Variants in BTN3A1 observed in about 807,000 individuals in gnomAD.
BTN3A1 encodes the protein butyrophilin subfamily 3 member A1.
Under a neutral mutation model 43.0 loss-of-function variants are expected in BTN3A1, and 24 were observed. The observed-to-expected ratio is 0.56, with a 90% CI of 0.40 to 0.78. BTN3A1 has a LOEUF of 0.78. Ranked by LOEUF, BTN3A1 falls within the 30% of genes least tolerant of loss-of-function variation. BTN3A1 has a pLI of 0.00. For missense variants in BTN3A1, 533 were observed against 626.2 expected, an observed-to-expected ratio of 0.85 and a Z score of 1.59; for synonymous variants, 181 against 234.7, an observed-to-expected ratio of 0.77 and a Z score of 2.09.
At chr6:26,411,409 G>A in intron 8 of BTN3A1, 146 bp from the exon 9 acceptor site, 1 of 1,058,544 alleles carries the variant, frequency 9.4e-7, no homozygotes, top group South Asian at 1.5e-5. Flanking sequence ...TACCACCCCT[G>A]ATCCATCAGA....
chr6:26,409,382 C>T, intron 4 of BTN3A1, 151 bp from the exon 5 acceptor site: 1 of 739,422 alleles, frequency 1.4e-6, no homozygotes, highest in South Asian at 1.7e-5. Flanking sequence ...ACCCACTGTC[C>T]TCTGAGATTT....
chr6:26,412,314 A>G (rs1762247479), intron 9 of BTN3A1: 2 of 636,212 alleles, frequency 3.1e-6, no homozygotes, highest in Non-Finnish European at 5.7e-6. Context: ...AAGAGTCTTC[A>G]GGCCTTGTTA....
chr6:26,407,262 G>C (rs1429872233), intron 3 of BTN3A1, among the ~76,000 whole-genome samples: 1 of 152,220 alleles, frequency 6.6e-6, no homozygotes, highest in African/African-American at 2.4e-5. Flanking sequence ...TTGGTCAGCA[G>C]GGATCTGTAG....
Position 26,409,998 on chromosome 6 carries a change from C to G in BTN3A1, c.938-8C>G. 6.2e-7 allele frequency: 1 copy of G among 1,614,144 alleles called. No individual in the cohort carries two copies. On this transcript the variant is annotated splice_polypyrimidine_tract_variant and splice_region_variant and intron_variant, in intron 6 of 9. Coordinates refer to ENST00000289361, the MANE Select transcript of BTN3A1 (RefSeq NM_007048.6). ...TTGATGCATCTTCCCCTGTTCCTTC[C>G]GTTGCAGGATGGAGAAGTATCCAGT...
At chr6:26,410,077 C>T in intron 7 of BTN3A1, 45 bp downstream of exon 7, 1 of 1,609,210 alleles carries the variant, frequency 6.2e-7, no homozygotes, top group Non-Finnish European at 8.5e-7. Flanking sequence ...CTATAACTGT[C>T]TGTGCTTGAA....
chr6:26,403,386 C>G (rs1394724430), intron 1 of BTN3A1, among the ~76,000 whole-genome samples: 3 of 152,144 alleles, frequency 2.0e-5, no homozygotes, highest in Non-Finnish European at 4.4e-5. Flanking sequence ...TTTTTAAACA[C>G]TTCCCTAGTT....
At chr6:26,411,476 C>G in intron 8 of BTN3A1, 79 bp from the exon 9 acceptor site, 5 of 1,502,124 alleles carry the variant, frequency 3.3e-6, no homozygotes, top group Non-Finnish European at 4.6e-6. Context: ...GGAGAGAAAA[C>G]ATGTAGTGAG....
In BTN3A1 at chr6:26,414,109, TGGTGGATGTCACTCC is replaced by T; in HGVS notation, c.*418_*432del. ...GCTCTGAGTGCTGTGTTATGAGCTTTGGTGGATGTCACTCCTTTAATCCTCGCAACACCCTGTCGG... is the reference window on the plus strand; with the variant it reads ...GCTCTGAGTGCTGTGTTATGAGCTTTTTTAATCCTCGCAACACCCTGTCGG... On this transcript the variant is annotated 3_prime_UTR_variant, in exon 10 of 10. Coordinates refer to ENST00000289361, the MANE Select transcript of BTN3A1 (RefSeq NM_007048.6). 1 of 250,350 alleles carries T rather than the reference TGGTGGATGTCACTCC, an allele frequency of 4.0e-6. No individual in the cohort carries two copies. The highest frequency in any genetic ancestry group is 4.8e-5 in the South Asian group (1 of 20,730). The allele number at this position is 250,350 out of a possible 1,614,324, so 15.5% of individuals were successfully genotyped here. A position where few individuals can be genotyped will look rare whatever the true frequency, so the allele number is the denominator to read the frequency against.
In BTN3A1 at chr6:26,406,116, C is replaced by G. The variant is rs748221919; in HGVS notation, c.293C>G (p.Ser98Trp). Residue 98 changes from serine to tryptophan, a missense_variant, in exon 3 of 10, where the codon TCG becomes TGG. Ser to Trp is a radical substitution (Grantham distance 177, BLOSUM62 -3). Around this residue, in one of 4 missense-constraint regions of BTN3A1, gnomAD observed 51 missense variants for 90.9 expected, o/e 0.56. Coordinates refer to ENST00000289361, the MANE Select transcript of BTN3A1 (RefSeq NM_007048.6). ...RQSAPYRGRT[S>W]ILRDGITAGK... ...AGTGCACCGTATCGAGGGAGAACTT[C>G]GATTCTGCGGGATGGCATCACTGCA... 1 of 1,581,688 alleles carries G rather than the reference C, an allele frequency of 6.3e-7. No individual in the cohort carries two copies. Among genetic ancestry groups the G allele is most frequent in the Admixed American group, 1.7e-5 (1 of 58,482 alleles).
chr6:26,411,496 C>A, intron 8 of BTN3A1, 59 bp from the exon 9 acceptor site: 1 of 1,559,796 alleles, frequency 6.4e-7, no homozygotes, highest in Non-Finnish European at 8.8e-7. Flanking sequence ...GGGGAGAGTG[C>A]AGTGGGGAAA....
intron 3 of BTN3A1, among the ~76,000 whole-genome samples, chr6:26,407,375 T>C (rs1762054077): frequency 6.6e-6 from 1 of 152,116 alleles, no homozygotes; most frequent in South Asian, 2.1e-4. Context: ...TTGCTGAAGG[T>C]CATTGCCCCT....
At chr6:26,409,985 C>G (rs757009007) in intron 6 of BTN3A1, 21 bp from the exon 7 acceptor site, 1 of 1,614,172 alleles carries the variant, frequency 6.2e-7, no homozygotes, top group Non-Finnish European at 8.5e-7. Flanking sequence ...GATGCATCTT[C>G]CCCTGTTCCT....
chr6:26,405,749 T>C, intron 2 of BTN3A1, 101 bp downstream of exon 2: 1 of 1,581,274 alleles, frequency 6.3e-7, no homozygotes, highest in African/African-American at 1.3e-5. Context: ...CATCCCGATC[T>C]GAAGGTTCAC....
intron 4 of BTN3A1, among the ~76,000 whole-genome samples, chr6:26,409,246 C>T (rs904126713): frequency 6.6e-6 from 1 of 152,102 alleles, no homozygotes; most frequent in Admixed American, 6.5e-5. Flanking sequence ...CATGTGTTAC[C>T]TATTAAAAAG....
intron 4 of BTN3A1, 129 bp downstream of exon 4, chr6:26,408,081 G>T: frequency 7.1e-7 from 1 of 1,414,196 alleles, no homozygotes. Flanking sequence ...AGACCTGGAG[G>T]CTCCTCCTTG....
intron 6 of BTN3A1, 24 bp from the exon 7 acceptor site, chr6:26,409,980 ATC>A (rs774554878): frequency 6.2e-7 from 1 of 1,614,106 alleles, no homozygotes; most frequent in East Asian, 2.2e-5. Flanking sequence ...GCCTTGATGC[ATC>A]TTCCCCTGTT....
rs1460189922 is a variant in BTN3A1 at position 26,411,555 on chromosome 6, A to C, written c.992A>C (p.Glu331Ala). Residue 331 changes from glutamate (E) to alanine (A), a missense_variant and splice_region_variant, in exon 9 of 10, where the codon GAA (glutamate) becomes GCA (alanine). Glu to Ala is a moderately radical substitution (Grantham distance 107). Coordinates refer to ENST00000289361, the MANE Select transcript of BTN3A1 (RefSeq NM_007048.6). Reference sequence around the variant, plus strand: ...CTTATCTGTGTCTCCTTCCTTTCAGAATGGAAAAAGGCCCTCTTCAAGCCT... The same window carrying C: ...CTTATCTGTGTCTCCTTCCTTTCAGCATGGAAAAAGGCCCTCTTCAAGCCT... ...SRGERHSAYNEWKKALFKPAD... is the reference protein window; with the variant it reads ...SRGERHSAYNAWKKALFKPAD... 6.2e-7 allele frequency: 1 copy of C among 1,613,672 alleles called. No homozygotes were observed. Among genetic ancestry groups the C allele is most frequent in the East Asian group, 2.2e-5 (1 of 44,864 alleles).
intron 3 of BTN3A1, 80 bp downstream of exon 3, chr6:26,406,336 G>T: frequency 1.5e-6 from 1 of 661,848 alleles, no homozygotes; most frequent in Non-Finnish European, 2.5e-6. Context: ...CAAAAGCACT[G>T]CAGACACTCC....
chr6:26,413,461 T>C lies in BTN3A1; in HGVS notation c.1311T>C (p.Asp437=). 6.2e-7 allele frequency: 1 copy of C among 1,614,088 alleles called. No homozygotes were observed. The highest frequency in any genetic ancestry group is 8.5e-7 in the Non-Finnish European group (1 of 1,180,016). ...ENGFWTMGLT[D]GNKYRTLTEP... ...GATTCTGGACTATGGGGCTGACTGA[T>C]GGGAATAAGTATCGGACTCTAACTG... The change falls in exon 10 of 10, where the codon GAT becomes GAC. Residue 437 remains aspartate, a synonymous_variant. Coordinates refer to ENST00000289361, the MANE Select transcript of BTN3A1 (RefSeq NM_007048.6).
Sources: allele counts gnomAD v4.1 joint callset (sites outside exome capture counted in the v4.1 genomes callset), GRCh38; gene constraint gnomAD v4.1.1; regional missense constraint gnomAD v4.1.1; transcripts MANE v1.5; gene names NCBI Gene and HGNC (gene_info 2026-07-23, HGNC 2026-07-21).